The following LRRTM3 variants were observed in gnomAD, a reference collection of about 807,000 sequenced individuals.
LRRTM3 encodes leucine rich repeat transmembrane neuronal 3, also known as leucine-rich repeat transmembrane neuronal protein 3.
LRRTM3 carries 24 observed loss-of-function variants against 44.7 expected under a neutral mutation model. The ratio of observed to expected loss-of-function variants is 0.54; its 90% confidence interval spans 0.39 to 0.76. The LOEUF is 0.76. LRRTM3 is among the 30% of genes least tolerant of loss of function. The pLI is 0.00. For missense variants in LRRTM3, 587 were observed against 702.2 expected, an observed-to-expected ratio of 0.84 and a Z score of 1.85; for synonymous variants, 277 against 278.7, an observed-to-expected ratio of 0.99 and a Z score of 0.06.
intron 2 of LRRTM3, among the ~76,000 whole-genome samples, chr10:67,004,429 A>G (rs10997480): frequency 0.31 from 47,647 of 152,194 alleles, 8,670 homozygotes; most frequent in East Asian, 0.53. Flanking sequence ...GACACATGTA[A>G]GGACAGCCCC....
chr10:67,071,201 A>G (rs1856430491), intron 2 of LRRTM3, among the ~76,000 whole-genome samples: 1 of 152,134 alleles, frequency 6.6e-6, no homozygotes. Context: ...GCATTCTTCA[A>G]TCACTCAGAT....
At chr10:66,991,666 C>T (rs1323911477) in intron 2 of LRRTM3, among the ~76,000 whole-genome samples, 1 of 152,116 alleles carries the variant, frequency 6.6e-6, no homozygotes, top group Non-Finnish European at 1.5e-5. Context: ...ATTCTCCCGC[C>T]TCAGCCTCCT....
At chr10:66,931,482 A>G (rs1256637900) in intron 2 of LRRTM3, among the ~76,000 whole-genome samples, 1 of 152,170 alleles carries the variant, frequency 6.6e-6, no homozygotes, top group Non-Finnish European at 1.5e-5. Context: ...ACAATTTTTT[A>G]CTTGATTTGG....
At chr10:66,964,845 C>T (rs1849314299) in intron 2 of LRRTM3, among the ~76,000 whole-genome samples, 1 of 152,098 alleles carries the variant, frequency 6.6e-6, no homozygotes, top group African/African-American at 2.4e-5. Flanking sequence ...CTTCATCGCT[C>T]ACAGAAAAGT....
intron 2 of LRRTM3, among the ~76,000 whole-genome samples, chr10:66,946,455 A>G (rs1337298497): frequency 2.0e-5 from 3 of 152,132 alleles, no homozygotes; most frequent in Non-Finnish European, 4.4e-5. Flanking sequence ...AGCTTGATGA[A>G]TAACTGAGCA....
At chr10:67,082,383 G>A (rs556029921) in intron 2 of LRRTM3, among the ~76,000 whole-genome samples, 47 of 152,266 alleles carry the variant, frequency 3.1e-4, no homozygotes, top group African/African-American at 1.1e-3. Context: ...CTAGCACTGA[G>A]CAGAAGGAAG....
chr10:66,981,894 C>T (rs184704118), intron 2 of LRRTM3, among the ~76,000 whole-genome samples: 115 of 152,266 alleles, frequency 7.6e-4, no homozygotes, highest in African/African-American at 2.7e-3. Context: ...CCCAAAGTTG[C>T]ATCAAAAGAA....
In LRRTM3 at chr10:66,959,483, G is replaced by A. The variant is rs143794567; in HGVS notation, c.1536+31031G>A. Among the ~76,000 whole-genome samples, 5 of 152,288 alleles carry A rather than the reference G, an allele frequency of 3.3e-5. No homozygotes were observed. The East Asian group carries it at 7.7e-4, about 24-fold the overall frequency. Reference sequence around the variant, plus strand: ...AATTGGGCCAAGAGAACAAAAATATGCAAGGGTTCAGAATTCAGTCCCCTG... The same window carrying A: ...AATTGGGCCAAGAGAACAAAAATATACAAGGGTTCAGAATTCAGTCCCCTG... On this transcript the variant is annotated intron_variant, in intron 2 of 2. Coordinates refer to ENST00000361320, the MANE Select transcript of LRRTM3 (RefSeq NM_178011.5).
intron 2 of LRRTM3, among the ~76,000 whole-genome samples, chr10:67,063,617 C>A (rs1389473338): frequency 6.6e-6 from 1 of 152,180 alleles, no homozygotes; most frequent in Non-Finnish European, 1.5e-5. Context: ...TTAGATAATG[C>A]ATATGACATG....
At chr10:67,081,984 C>A (rs1470004019) in intron 2 of LRRTM3, among the ~76,000 whole-genome samples, 1 of 152,152 alleles carries the variant, frequency 6.6e-6, no homozygotes, top group Non-Finnish European at 1.5e-5. Context: ...GAATTACCAG[C>A]ACATAACACA....
At chr10:67,009,715 CAG>C in intron 2 of LRRTM3, among the ~76,000 whole-genome samples, 1 of 152,054 alleles carries the variant, frequency 6.6e-6, no homozygotes, top group Admixed American at 6.6e-5. Context: ...AGAGAAAAAA[CAG>C]GAGCAGTTTG....
chr10:67,074,155 C>G (rs1488172384), intron 2 of LRRTM3, among the ~76,000 whole-genome samples: 1 of 150,676 alleles, frequency 6.6e-6, no homozygotes, highest in Non-Finnish European at 1.5e-5. Context: ...TCCTCAGCCT[C>G]CCAAGTAGCT....
chr10:66,962,331 C>A (rs1849154432), intron 2 of LRRTM3, among the ~76,000 whole-genome samples: 1 of 152,124 alleles, frequency 6.6e-6, no homozygotes, highest in African/African-American at 2.4e-5. Context: ...ACTTACACCT[C>A]CTTCTGCCTA....
At chr10:66,943,476 G>T in intron 2 of LRRTM3, among the ~76,000 whole-genome samples, 1 of 150,536 alleles carries the variant, frequency 6.6e-6, no homozygotes, top group African/African-American at 2.4e-5. Flanking sequence ...TGAAATCCTG[G>T]GAAGCCTATC....
At chr10:67,008,209 T>C (rs1026063136) in intron 2 of LRRTM3, among the ~76,000 whole-genome samples, 1 of 152,098 alleles carries the variant, frequency 6.6e-6, no homozygotes, top group Non-Finnish European at 1.5e-5. Context: ...GGACCATTAC[T>C]TGCTATAAAA....
chr10:67,024,222 T>A (rs768310750), intron 2 of LRRTM3, among the ~76,000 whole-genome samples: 1 of 152,214 alleles, frequency 6.6e-6, no homozygotes, highest in Non-Finnish European at 1.5e-5. Flanking sequence ...AAGCCAGCAA[T>A]GTGGCATCTT....
intron 2 of LRRTM3, among the ~76,000 whole-genome samples, chr10:66,940,706 G>A (rs1163508147): frequency 1.3e-5 from 2 of 152,030 alleles, no homozygotes; most frequent in Admixed American, 1.3e-4. Flanking sequence ...ATCCAGCAGT[G>A]TGTTGTACAA....
At chr10:66,980,022 G>A (rs1850319014) in intron 2 of LRRTM3, among the ~76,000 whole-genome samples, 1 of 152,132 alleles carries the variant, frequency 6.6e-6, no homozygotes, top group Admixed American at 6.6e-5. Context: ...TTATGCATTG[G>A]CACTGGAGAC....
At chr10:67,015,049 G>A (rs947356177) in intron 2 of LRRTM3, among the ~76,000 whole-genome samples, 2 of 151,910 alleles carry the variant, frequency 1.3e-5, no homozygotes, top group African/African-American at 4.8e-5. Context: ...CCAAAGTTGA[G>A]GTAAAAAATG....
Sources: gnomAD v4.1 joint callset for allele counts (sites outside exome capture counted in the v4.1 genomes callset) on GRCh38, gnomAD v4.1.1 for gene constraint, MANE v1.5 for transcripts, NCBI Gene and HGNC (gene_info 2026-07-23, HGNC 2026-07-21) for gene names.